BCORL1: variants seen among roughly 807,000 people sequenced by gnomAD.
BCORL1 encodes the protein BCL-6 corepressor-like protein 1.
Under a neutral mutation model 87.6 loss-of-function variants are expected in BCORL1, and 7 were observed. The observed-to-expected ratio is 0.08, with a 90% CI of 0.05 to 0.15. BCORL1 has a LOEUF of 0.15. BCORL1 is among the 10% of genes least tolerant of loss of function. The probability of loss-of-function intolerance (pLI) is 1.00; values close to 1 mark genes in which losing one functional copy is unlikely to be tolerated. For synonymous variants in BCORL1, 591 were observed against 634.4 expected (o/e 0.93, Z 1.03); for missense variants, 1,215 against 1,499.7 (o/e 0.81, Z 3.13).
chrX:130,022,066 C>T (rs190753679), intron 5 of BCORL1, among the ~76,000 whole-genome samples: 2 of 110,570 alleles, frequency 1.8e-5, no homozygotes, highest in East Asian at 2.8e-4. Flanking sequence ...GGATTACAGG[C>T]GTCAGCCACT....
intron 1 of BCORL1, among the ~76,000 whole-genome samples, chrX:129,989,826 C>T (rs1462057235): frequency 1.8e-5 from 2 of 108,490 alleles, no homozygotes; most frequent in Non-Finnish European, 3.8e-5. Flanking sequence ...TGCTCTGTCA[C>T]CCAGGCTGAA....
chrX:130,025,195 C>T lies in BCORL1; in HGVS notation c.3894C>T (p.Ala1298=), dbSNP rs1216711341. Reference sequence around the variant, plus strand: ...AGGGCCGAAGGCACCTGTGGCGAGCCCGAGAAATGCCCTGGAGGACAGAGG... The same window carrying T: ...AGGGCCGAAGGCACCTGTGGCGAGCTCGAGAAATGCCCTGGAGGACAGAGG... ...LSQGRRHLWR[A]REMPWRTEAA... is the part of the protein sequence containing the mutation. The change falls in exon 7 of 14, where the codon GCC becomes GCT. Residue 1298 remains alanine (A), a synonymous_variant. Transcript: ENST00000540052. The T allele has an allele frequency of 8.3e-7, 1 of 1,209,680 alleles. No individual in the cohort carries two copies. Among genetic ancestry groups the T allele is most frequent in the African/African-American group, 1.8e-5 (1 of 57,130 alleles).
chrX:130,055,475 A>G (rs896945608), intron 13 of BCORL1, among the ~76,000 whole-genome samples: 1 of 112,606 alleles, frequency 8.9e-6, no homozygotes, highest in Non-Finnish European at 1.9e-5. Context: ...CGGAGGAAAG[A>G]CTGGTCCCAG....
chrX:130,046,299 ACAAAG>A (rs2124565441), intron 11 of BCORL1, among the ~76,000 whole-genome samples: 1 of 111,182 alleles, frequency 9.0e-6, no homozygotes, highest in East Asian at 2.9e-4. Context: ...AAAAATAAAA[ACAAAG>A]CAAACAATTC....
intron 11 of BCORL1, among the ~76,000 whole-genome samples, chrX:130,040,149 G>A (rs758826197): frequency 8.9e-6 from 1 of 112,073 alleles, no homozygotes; most frequent in African/African-American, 3.2e-5. Flanking sequence ...CCTTCTTGGA[G>A]GCTGCAGTGT....
At chrX:130,025,531 G>A (rs1366052221) in intron 7 of BCORL1, 152 bp downstream of exon 7, 7 of 513,338 alleles carry the variant, frequency 1.4e-5, no homozygotes, top group Admixed American at 4.6e-5. Context: ...CTCCAGCTCC[G>A]AGCCTTTGGC....
At chrX:129,994,466 A>G (rs1286598908) in intron 1 of BCORL1, among the ~76,000 whole-genome samples, 1 of 111,932 alleles carries the variant, frequency 8.9e-6, no homozygotes, top group Non-Finnish European at 1.9e-5. Flanking sequence ...GAGGAACTCC[A>G]GGGAGATTGC....
At chrX:130,007,975 G>A (rs1209135003) in intron 2 of BCORL1, among the ~76,000 whole-genome samples, 1 of 110,917 alleles carries the variant, frequency 9.0e-6, no homozygotes, top group Non-Finnish European at 1.9e-5. Context: ...TCAGGCTGGA[G>A]TGTAGTGGCA....
In BCORL1 at chrX:130,025,315, A is replaced by G. The variant is rs771221543; in HGVS notation, c.4014A>G (p.Arg1338=). ...AGAAACGAAGACGGCAGAAGAGCCGAAAATATCAGACTGGGGAGTACCTGA... is the reference window on the plus strand; with the variant it reads ...AGAAACGAAGACGGCAGAAGAGCCGGAAATATCAGACTGGGGAGTACCTGA... ...KRKKRRRQKS[R]KYQTGEYLTE... The change falls in exon 7 of 14, where the codon CGA becomes CGG. Residue 1338 remains arginine (R), a synonymous_variant. Transcript: ENST00000540052. 67 of 1,190,695 alleles carry G rather than the reference A, an allele frequency of 5.6e-5. No individual in the cohort carries two copies. Among genetic ancestry groups the G allele is most frequent in the Non-Finnish European group, 7.3e-5 (65 of 886,632 alleles).
intron 2 of BCORL1, 121 bp from the exon 3 acceptor site, chrX:130,012,457 C>G: frequency 1.8e-6 from 1 of 549,541 alleles, no homozygotes; most frequent in Non-Finnish European, 3.1e-6. Context: ...CAAGTTACTA[C>G]AGGAAGTGAG....
At position 130,043,784 on chromosome X, in the gene BCORL1, A is replaced by ATTTTTTT. The variant is rs1163098654; in HGVS notation, c.4840+4517_4840+4523dup. Among the ~76,000 whole-genome samples, 10 of 15,967 alleles carry ATTTTTTT rather than the reference A, an allele frequency of 6.3e-4. 1 individual carries two copies. Among genetic ancestry groups the ATTTTTTT allele is most frequent in the African/African-American group, 4.3e-3 (9 of 2,112 alleles). 13.9% of individuals were successfully genotyped at this position (15,967 alleles called of 115,157 possible). Reference sequence around the variant, plus strand: ...TATATATATATATATATATATATATATTTTTTTTTTTTTTTTTTTTTGAGA... The same window carrying ATTTTTTT: ...TATATATATATATATATATATATATATTTTTTTTTTTTTTTTTTTTTTTTTTTTGAGA... On this transcript the variant is annotated intron_variant, in intron 11 of 13. Transcript: ENST00000540052.
intron 12 of BCORL1, among the ~76,000 whole-genome samples, chrX:130,051,435 G>A (rs763993033): frequency 8.9e-4 from 100 of 112,966 alleles, no homozygotes; most frequent in African/African-American, 3.1e-3. Context: ...AAAGGAACCC[G>A]CTCAGCCCCC....
At chrX:129,997,794 CA>C (rs1229437098) in intron 1 of BCORL1, among the ~76,000 whole-genome samples, 69 of 28,968 alleles carry the variant, frequency 2.4e-3, no homozygotes, top group East Asian at 3.0e-3. Context: ...TCCGACTCAC[CA>C]AAAAAAAAAA....
chrX:130,020,643 C>T (rs762086182), intron 4 of BCORL1, among the ~76,000 whole-genome samples: 3 of 112,182 alleles, frequency 2.7e-5, no homozygotes, highest in South Asian at 3.7e-4. Context: ...TGTTTAATGC[C>T]GGTCTCTCCA....
At chrX:130,012,518 G>A in intron 2 of BCORL1, 60 bp from the exon 3 acceptor site, 2 of 1,012,478 alleles carry the variant, frequency 2.0e-6, no homozygotes, top group Non-Finnish European at 2.8e-6. Flanking sequence ...TCTGGGGAAG[G>A]TGGTGTTGGC....
At chrX:129,993,894 G>T (rs896934603) in intron 1 of BCORL1, among the ~76,000 whole-genome samples, 7 of 108,018 alleles carry the variant, frequency 6.5e-5, no homozygotes, top group Non-Finnish European at 1.2e-4. Flanking sequence ...AAGCGATTCT[G>T]CTGCCTCAGC....
At chrX:130,036,857 C>G (rs1930978095) in intron 9 of BCORL1, among the ~76,000 whole-genome samples, 1 of 111,734 alleles carries the variant, frequency 8.9e-6, no homozygotes. Context: ...TAAAAAAAGT[C>G]TCTCCAGGCC....
At chrX:130,011,524 G>A (rs1358249335) in intron 2 of BCORL1, among the ~76,000 whole-genome samples, 1 of 71,904 alleles carries the variant, frequency 1.4e-5, no homozygotes, top group African/African-American at 7.0e-5. Context: ...TTACAGGTGT[G>A]AGCCACCATG....
At chrX:130,027,201 A>C (rs1603136814) in intron 7 of BCORL1, among the ~76,000 whole-genome samples, 2 of 112,927 alleles carry the variant, frequency 1.8e-5, no homozygotes, top group Non-Finnish European at 3.7e-5. Context: ...TGACTTCTTC[A>C]TGTTTCCTGG....
Sources: gnomAD v4.1 joint callset for allele counts (sites outside exome capture counted in the v4.1 genomes callset) on GRCh38, gnomAD v4.1.1 for gene constraint, MANE v1.5 for transcripts, NCBI Gene and HGNC (gene_info 2026-07-23, HGNC 2026-07-21) for gene names.